Variants in PUDP observed in about 807,000 individuals in gnomAD.
The protein encoded by PUDP is pseudouridine 5'-phosphatase.
Under a neutral mutation model 9.4 loss-of-function variants are expected in PUDP, and 8 were observed. That is an observed-to-expected ratio of 0.85 (90% CI 0.50 to 1.53). The LOEUF (loss-of-function observed/expected upper bound fraction) is 1.53. Ranked by LOEUF, PUDP falls within the 40% of genes most tolerant of loss-of-function variation. The pLI is 0.00. For missense variants in PUDP, 188 were observed against 189.7 expected (o/e 0.99, Z 0.05); for synonymous variants, 99 against 80.7 (o/e 1.23, Z -1.22).
intron 3 of PUDP, among the ~76,000 whole-genome samples, chrX:6,957,333 T>C (rs763991500): frequency 5.0e-4 from 55 of 110,476 alleles, no homozygotes; most frequent in African/African-American, 1.8e-3. Context: ...CCCTTATGAA[T>C]GGATTAATGC....
chrX:7,040,956 G>A (rs1275099763), intron 1 of PUDP, among the ~76,000 whole-genome samples: 1 of 111,381 alleles, frequency 9.0e-6, no homozygotes, highest in African/African-American at 3.3e-5. Flanking sequence ...CTCTCCTGCT[G>A]TGCTTCTTCT....
intron 1 of PUDP, among the ~76,000 whole-genome samples, chrX:7,022,615 G>A (rs1929649220): frequency 9.0e-6 from 1 of 111,507 alleles, no homozygotes; most frequent in Admixed American, 9.5e-5. Context: ...GAATCCCTGG[G>A]TTCAAAATTT....
At chrX:6,860,592 C>T in intron 3 of PUDP, among the ~76,000 whole-genome samples, 1 of 111,064 alleles carries the variant, frequency 9.0e-6, no homozygotes, top group South Asian at 3.8e-4. Context: ...TTGCCTCAGC[C>T]TCCCGAGTAG....
intron 1 of PUDP, among the ~76,000 whole-genome samples, chrX:7,040,810 C>A (rs1199766375): frequency 3.6e-5 from 4 of 110,710 alleles, no homozygotes; most frequent in Admixed American, 9.6e-5. Context: ...GGACATCATG[C>A]TGTCTACTGT....
chrX:6,800,063 C>G (rs948268308), intron 3 of PUDP, among the ~76,000 whole-genome samples: 4 of 111,612 alleles, frequency 3.6e-5, no homozygotes, highest in Non-Finnish European at 7.5e-5. Context: ...CAGACCCGAG[C>G]TACTTAACTA....
intron 3 of PUDP, among the ~76,000 whole-genome samples, chrX:7,060,807 T>C (rs1231841349): frequency 8.9e-6 from 1 of 112,413 alleles, no homozygotes; most frequent in Admixed American, 9.4e-5. Context: ...GCAGGAATGG[T>C]TGCTTACATG....
intron 1 of PUDP, among the ~76,000 whole-genome samples, chrX:6,982,647 T>G (rs754106340): frequency 8.9e-6 from 1 of 112,579 alleles, no homozygotes; most frequent in Non-Finnish European, 1.9e-5. Context: ...ACCTCCAGAA[T>G]GATGCCTGGT....
At chrX:6,841,290 G>C (rs1926666079) in intron 3 of PUDP, among the ~76,000 whole-genome samples, 1 of 103,892 alleles carries the variant, frequency 9.6e-6, no homozygotes, top group East Asian at 3.1e-4. Flanking sequence ...AAAAAAAAAT[G>C]CATTTGAATA....
chrX:6,741,280 T>C (rs929277574), intron 3 of PUDP, among the ~76,000 whole-genome samples: 2 of 111,763 alleles, frequency 1.8e-5, no homozygotes, highest in African/African-American at 6.5e-5. Flanking sequence ...TTGAGAATTA[T>C]CTATGTGACT....
intron 1 of PUDP, among the ~76,000 whole-genome samples, chrX:6,992,269 C>CT (rs750888246): frequency 0.082 from 5,159 of 62,550 alleles, 393 homozygotes; most frequent in African/African-American, 0.18. Flanking sequence ...TTCAGGGTGT[C>CT]TTTTTTTTTT....
At chrX:6,903,217 A>G (rs1927716755) in intron 3 of PUDP, among the ~76,000 whole-genome samples, 1 of 112,149 alleles carries the variant, frequency 8.9e-6, no homozygotes. Flanking sequence ...TTTTATTACA[A>G]CCCATTCCTT....
chrX:6,734,186 T>C (rs980877506), intron 3 of PUDP, among the ~76,000 whole-genome samples: 3 of 111,272 alleles, frequency 2.7e-5, no homozygotes, highest in Non-Finnish European at 5.7e-5. Flanking sequence ...TGTTGCCTTG[T>C]TGAGTAGTGG....
intron 3 of PUDP, among the ~76,000 whole-genome samples, chrX:6,871,218 T>G (rs72609571): frequency 0.092 from 10,252 of 110,976 alleles, 607 homozygotes; most frequent in East Asian, 0.46. Context: ...TGAGGCTTCA[T>G]CTGTAATCAG....
At chrX:6,993,881 T>C (rs1281763450) in intron 1 of PUDP, among the ~76,000 whole-genome samples, 1 of 111,632 alleles carries the variant, frequency 9.0e-6, no homozygotes, top group Non-Finnish European at 1.9e-5. Flanking sequence ...GAGTGGGATG[T>C]CCAGTAGGGC....
intron 1 of PUDP, among the ~76,000 whole-genome samples, chrX:7,012,475 C>T (rs1198435726): frequency 8.9e-6 from 1 of 111,819 alleles, no homozygotes; most frequent in Non-Finnish European, 1.9e-5. Flanking sequence ...AGAGTCACTG[C>T]CGCACGCTCA....
intron 3 of PUDP, among the ~76,000 whole-genome samples, chrX:6,788,035 A>G (rs1925675659): frequency 8.9e-6 from 1 of 111,924 alleles, no homozygotes; most frequent in Non-Finnish European, 1.9e-5. Context: ...CGGGGGGAGA[A>G]GACAATGGAA....
rs1555909727 is a variant in PUDP at position 6,775,504 on chromosome X, TACAC to T, written c.*248-69042_*248-69039del. On this transcript the variant is annotated intron_variant and NMD_transcript_variant, in intron 3 of 3. Transcript: ENST00000655425. ...ATAGATACACACATATACACACACA[TACAC>T]ACACACACACACACACACATATATG... Among the ~76,000 whole-genome samples the T allele has an allele frequency of 4.4e-4, 44 of 100,839 alleles. 1 individual carries two copies. The East Asian group carries it at 0.013, about 30-fold the overall frequency. The allele number at this position is 100,839 out of a possible 115,157, so 87.6% of individuals were successfully genotyped here.
chrX:6,977,874 G>C (rs1928978481), intron 2 of PUDP, among the ~76,000 whole-genome samples: 1 of 112,612 alleles, frequency 8.9e-6, no homozygotes, highest in East Asian at 2.8e-4. Flanking sequence ...CTGCCATTTT[G>C]TAATATGGAC....
intron 3 of PUDP, among the ~76,000 whole-genome samples, chrX:6,825,065 A>T (rs762811256): frequency 8.9e-6 from 1 of 111,829 alleles, no homozygotes; most frequent in African/African-American, 3.2e-5. Context: ...TGGCAGCCTG[A>T]AAGTATTAAG....
Sources: allele counts gnomAD v4.1 joint callset (sites outside exome capture counted in the v4.1 genomes callset), GRCh38; gene constraint gnomAD v4.1.1; transcripts MANE v1.5; gene names NCBI Gene and HGNC (gene_info 2026-07-23, HGNC 2026-07-21).